Variants in GSTA1 observed in about 807,000 individuals in gnomAD.
GSTA1 encodes the protein glutathione S-transferase A1.
A neutral mutation model predicts 21.5 loss-of-function variants in GSTA1; 23 were observed. That is an observed-to-expected ratio of 1.07 (90% CI 0.77 to 1.52). The LOEUF (loss-of-function observed/expected upper bound fraction) is 1.52, where lower values mean the gene tolerates loss of function less well. GSTA1 is among the 40% of genes most tolerant of loss of function. The pLI, the probability that GSTA1 is intolerant of heterozygous loss-of-function variation, is 0.00. For missense variants in GSTA1, 301 were observed against 264.2 expected, an observed-to-expected ratio of 1.14 and a Z score of -0.96; for synonymous variants, 125 against 90.0, an observed-to-expected ratio of 1.39 and a Z score of -2.20.
chr6:52,800,819 A>T (rs1278589595), intron 1 of GSTA1, among the ~76,000 whole-genome samples: 1 of 152,168 alleles, frequency 6.6e-6, no homozygotes, highest in Non-Finnish European at 1.5e-5. Flanking sequence ...CTTCTTGCAA[A>T]GTTTTGTGGT....
intron 4 of GSTA1, among the ~76,000 whole-genome samples, chr6:52,795,231 T>A (rs1489606163): frequency 6.6e-6 from 1 of 152,192 alleles, no homozygotes; most frequent in Non-Finnish European, 1.5e-5. Flanking sequence ...TGTGGCCTTC[T>A]GTGTCTTGTT....
At chr6:52,793,522 T>C (rs1319084502) in intron 5 of GSTA1, among the ~76,000 whole-genome samples, 1 of 152,182 alleles carries the variant, frequency 6.6e-6, no homozygotes, top group Non-Finnish European at 1.5e-5. Flanking sequence ...TGAATTCATC[T>C]TTCTTACAGC....
chr6:52,796,539 A>ATTT (rs1178071433), intron 3 of GSTA1, among the ~76,000 whole-genome samples: 1 of 35,226 alleles, frequency 2.8e-5, no homozygotes, highest in African/African-American at 7.0e-5. Context: ...GTATATATAT[A>ATTT]TATATTTTTT....
At chr6:52,800,489 A>G (rs1763689902) in intron 1 of GSTA1, among the ~76,000 whole-genome samples, 1 of 152,232 alleles carries the variant, frequency 6.6e-6, no homozygotes, top group Non-Finnish European at 1.5e-5. Context: ...TGTTAGTTTC[A>G]GTTATTTGTA....
At chr6:52,799,336 A>G in intron 1 of GSTA1, 39 bp from the exon 2 acceptor site, 1 of 1,359,264 alleles carries the variant, frequency 7.4e-7, no homozygotes, top group Non-Finnish European at 1.0e-6. Flanking sequence ...TTGAAACGAT[A>G]GAATCAAAAA....
chr6:52,795,145 A>T (rs1246973478), intron 4 of GSTA1, among the ~76,000 whole-genome samples: 1 of 152,150 alleles, frequency 6.6e-6, no homozygotes, highest in Admixed American at 6.5e-5. Context: ...CTTTAGCTCC[A>T]GGCAAGCACT....
chr6:52,799,380 C>A, intron 1 of GSTA1, 83 bp from the exon 2 acceptor site: 1 of 868,946 alleles, frequency 1.2e-6, no homozygotes, highest in Non-Finnish European at 1.8e-6. Flanking sequence ...AAACCACCAA[C>A]AATACTGAAG....
rs699335 is a variant in GSTA1 at position 52,791,826 on chromosome 6, A to T, written c.*32T>A. On this transcript the variant is annotated 3_prime_UTR_variant, in exon 7 of 7. Transcript: ENST00000334575. ...TGTTGCAAAACTTTAGAACATTGGT[A>T]TTGCAAGTTCTTGGCCTCCATGACT... The T allele has an allele frequency of 6.2e-7, 1 of 1,613,030 alleles. No individual in the cohort carries two copies. The highest frequency in any genetic ancestry group is 1.7e-5 in the Admixed American group (1 of 59,898).
At chr6:52,792,340 G>A (rs1418540147) in intron 6 of GSTA1, among the ~76,000 whole-genome samples, 3 of 152,172 alleles carry the variant, frequency 2.0e-5, no homozygotes, top group Non-Finnish European at 4.4e-5. Context: ...GAAATTATTT[G>A]GGAAGGGAAT....
At chr6:52,797,909 C>T (rs952178051) in intron 2 of GSTA1, among the ~76,000 whole-genome samples, 3 of 152,152 alleles carry the variant, frequency 2.0e-5, no homozygotes, top group Non-Finnish European at 2.9e-5. Context: ...TTGAGGGGGA[C>T]ATCACTGGAG....
intron 2 of GSTA1, among the ~76,000 whole-genome samples, chr6:52,798,283 G>A (rs1363883931): frequency 6.7e-6 from 1 of 148,292 alleles, no homozygotes; most frequent in African/African-American, 2.5e-5. Context: ...TGGTTTTGTG[G>A]CATTGGGGAA....
chr6:52,795,243 C>T (rs4715328), intron 4 of GSTA1, among the ~76,000 whole-genome samples: 144,992 of 152,220 alleles, frequency 0.95, 69,466 homozygotes, highest in East Asian at 1. Context: ...TGTCTTGTTT[C>T]TTTTATGTAA....
intron 4 of GSTA1, 98 bp from the exon 5 acceptor site, chr6:52,794,364 ATAATT>A: frequency 8.3e-7 from 1 of 1,205,246 alleles, no homozygotes; most frequent in Non-Finnish European, 1.2e-6. Flanking sequence ...TGATGGCAAA[ATAATT>A]CACCTCCAGT....
At position 52,791,839 on chromosome 6, in the gene GSTA1, G is replaced by T. The variant is rs750292993; in HGVS notation, c.*19C>A. ...TAGAACATTGGTATTGCAAGTTCTT[G>T]GCCTCCATGACTGCGTTATTAAAAC... On this transcript the variant is annotated 3_prime_UTR_variant, in exon 7 of 7. Transcript: ENST00000334575. 1.1e-5 allele frequency: 18 copies of T among 1,613,628 alleles called. No homozygotes were observed. Among genetic ancestry groups the T allele is most frequent in the Middle Eastern group, 1.6e-4 (1 of 6,084 alleles).
At chr6:52,792,175 A>G (rs1157825288) in intron 6 of GSTA1, among the ~76,000 whole-genome samples, 195 bp from the exon 7 acceptor site, 1 of 152,204 alleles carries the variant, frequency 6.6e-6, no homozygotes, top group Non-Finnish European at 1.5e-5. Context: ...ATTTTCCCCA[A>G]AGATGTCTTG....
chr6:52,797,151 C>T (rs186406422), intron 3 of GSTA1, among the ~76,000 whole-genome samples: 2 of 151,998 alleles, frequency 1.3e-5, no homozygotes, highest in African/African-American at 2.4e-5. Context: ...TCAAAGTCTG[C>T]GATATTGCTA....
intron 6 of GSTA1, 24 bp downstream of exon 6, chr6:52,792,832 T>C (rs753432086): frequency 1.1e-5 from 17 of 1,613,554 alleles, no homozygotes; most frequent in Non-Finnish European, 1.4e-5. Context: ...TGGGGCTGCC[T>C]CTCTGGGCTG....
chr6:52,796,761 T>A (rs1355131865), intron 3 of GSTA1, among the ~76,000 whole-genome samples: 1 of 151,304 alleles, frequency 6.6e-6, no homozygotes, highest in Non-Finnish European at 1.5e-5. Context: ...CAAACTGGTC[T>A]CAAATTCCTG....
intron 3 of GSTA1, among the ~76,000 whole-genome samples, chr6:52,797,023 T>C (rs565186976): frequency 1.3e-5 from 2 of 152,266 alleles, no homozygotes; most frequent in Admixed American, 6.5e-5. Context: ...CAAGTTACAA[T>C]AGGACTGGCA....
Sources: gnomAD v4.1 joint callset for allele counts (sites outside exome capture counted in the v4.1 genomes callset) on GRCh38, gnomAD v4.1.1 for gene constraint, MANE v1.5 for transcripts, NCBI Gene and HGNC (gene_info 2026-07-23, HGNC 2026-07-21) for gene names.